FANCC: variants seen among roughly 807,000 people sequenced by gnomAD.
The protein encoded by FANCC is Fanconi anemia group C protein.
A neutral mutation model predicts 71.3 loss-of-function variants in FANCC; 55 were observed. The observed-to-expected ratio is 0.77, with a 90% CI of 0.62 to 0.97. FANCC has a LOEUF of 0.97. FANCC is among the 50% of genes least tolerant of loss of function. The pLI is 0.00. For synonymous variants in FANCC, 275 were observed against 244.9 expected (o/e 1.12, Z -1.15); for missense variants, 678 against 670.9 (o/e 1.01, Z -0.12).
intron 13 of FANCC, 90 bp from the exon 14 acceptor site, chr9:95,107,359 C>T (rs2071529811): frequency 2.8e-6 from 4 of 1,417,546 alleles, no homozygotes; most frequent in East Asian, 2.5e-5. Flanking sequence ...AAACAACCCC[C>T]AGAAACGGGT....
At chr9:95,134,247 G>A (rs890125152) in intron 8 of FANCC, among the ~76,000 whole-genome samples, 1 of 152,180 alleles carries the variant, frequency 6.6e-6, no homozygotes, top group Admixed American at 6.5e-5. Flanking sequence ...CCCTTAGACA[G>A]TCTCCAACTA....
At chr9:95,125,334 G>T (rs1037159980) in intron 9 of FANCC, 149 bp from the exon 10 acceptor site, 1 of 705,320 alleles carries the variant, frequency 1.4e-6, no homozygotes. Flanking sequence ...GTCCTTGTGT[G>T]AAAACAGGAT....
intron 4 of FANCC, among the ~76,000 whole-genome samples, chr9:95,229,137 A>C (rs1829822572): frequency 6.6e-6 from 1 of 151,986 alleles, no homozygotes. Context: ...ATTTCTACTA[A>C]AAATGCAAAA....
At position 95,128,323 on chromosome 9, in the gene FANCC, T is replaced by C. The variant is rs1379122788; in HGVS notation, c.844-1742A>G. On this transcript the variant is annotated intron_variant, in intron 8 of 14. Transcript: ENST00000289081. Reference sequence around the variant, plus strand: ...CAAAGTTTGTACAACAACATGCCTATTGAATAAGAGTGTTTAAGATCAAAT... The same window carrying C: ...CAAAGTTTGTACAACAACATGCCTACTGAATAAGAGTGTTTAAGATCAAAT... Among the ~76,000 whole-genome samples, 3 of 152,234 alleles carry C rather than the reference T, an allele frequency of 2.0e-5. No individual in the cohort carries two copies. In the East Asian group the frequency reaches 5.8e-4, roughly 29 times the overall value.
intron 6 of FANCC, among the ~76,000 whole-genome samples, chr9:95,152,700 T>A (rs1003822760): frequency 6.6e-6 from 1 of 152,188 alleles, no homozygotes. Flanking sequence ...GGATGAATTG[T>A]ATAGTGGTAA....
chr9:95,167,647 T>C (rs570680274), intron 6 of FANCC, among the ~76,000 whole-genome samples: 1 of 152,298 alleles, frequency 6.6e-6, no homozygotes, highest in African/African-American at 2.4e-5. Flanking sequence ...CTCCAGAATA[T>C]CTGTTTGGTT....
intron 4 of FANCC, among the ~76,000 whole-genome samples, chr9:95,203,744 A>T (rs1215307164): frequency 2.0e-5 from 3 of 152,214 alleles, no homozygotes; most frequent in Non-Finnish European, 4.4e-5. Flanking sequence ...AAACAAAACA[A>T]AAAATTTTGA....
chr9:95,303,309 T>G (rs148299325), intron 1 of FANCC, among the ~76,000 whole-genome samples: 49 of 152,346 alleles, frequency 3.2e-4, no homozygotes, highest in Non-Finnish European at 5.4e-4. Context: ...TAATGACTTG[T>G]GCTAACTCAC....
chr9:95,285,048 T>A (rs1288215010), intron 1 of FANCC, among the ~76,000 whole-genome samples: 1 of 151,834 alleles, frequency 6.6e-6, no homozygotes, highest in Admixed American at 6.6e-5. Flanking sequence ...TTTTGATATC[T>A]AGAAGAACAT....
At chr9:95,229,923 A>ATTT (rs1564775069) in intron 4 of FANCC, among the ~76,000 whole-genome samples, 1 of 152,190 alleles carries the variant, frequency 6.6e-6, no homozygotes, top group African/African-American at 2.4e-5. Context: ...CTGAATTATT[A>ATTT]AATTTTAAAT....
At chr9:95,182,586 A>T (rs1401522971) in intron 4 of FANCC, among the ~76,000 whole-genome samples, 1 of 152,076 alleles carries the variant, frequency 6.6e-6, no homozygotes, top group Non-Finnish European at 1.5e-5. Flanking sequence ...GTTGAGGATG[A>T]TCTGCTTTCA....
At chr9:95,255,834 T>C (rs780918141) in intron 1 of FANCC, among the ~76,000 whole-genome samples, 1 of 150,302 alleles carries the variant, frequency 6.7e-6, no homozygotes, top group South Asian at 2.1e-4. Context: ...ACTAGAATAA[T>C]ATAAATGACC....
intron 6 of FANCC, among the ~76,000 whole-genome samples, chr9:95,161,838 TTTTC>T (rs1445375055): frequency 1.7e-3 from 196 of 114,652 alleles, no homozygotes; most frequent in Non-Finnish European, 1.5e-3. Context: ...GCTTCTTTTC[TTTTC>T]TTTTTTTTTT....
intron 4 of FANCC, among the ~76,000 whole-genome samples, chr9:95,234,105 A>AG (rs1830163107): frequency 6.6e-6 from 1 of 152,258 alleles, no homozygotes; most frequent in Admixed American, 6.5e-5. Context: ...GAGATTAAAA[A>AG]TACTACTATG....
chr9:95,222,839 T>G (rs1230939486), intron 4 of FANCC, among the ~76,000 whole-genome samples: 1 of 152,234 alleles, frequency 6.6e-6, no homozygotes, highest in Non-Finnish European at 1.5e-5. Context: ...ACAACTGTTA[T>G]CATTTTGTAT....
rs993216195 is a variant in FANCC, at chr9:95,114,073, C to T, written c.1154+556G>A. ...CTGCACTCCAGCCTGAAAGACAGAG[C>T]AAGACCTTATCTCTAAAAATTTAAA... On this transcript the variant is annotated intron_variant, in intron 12 of 14. Coordinates refer to ENST00000289081, the MANE Select transcript of FANCC (RefSeq NM_000136.3). 15 of 186,172 alleles carry T rather than the reference C, an allele frequency of 8.1e-5. No homozygotes were observed. The East Asian group carries it at 1.8e-3, about 23-fold the overall frequency. 11.5% of individuals were successfully genotyped at this position (186,172 alleles called of 1,614,324 possible). A position where few individuals can be genotyped will look rare whatever the true frequency, so the allele number is the denominator to read the frequency against.
At chr9:95,236,907 T>C (rs370818695) in intron 4 of FANCC, among the ~76,000 whole-genome samples, 1 of 152,178 alleles carries the variant, frequency 6.6e-6, no homozygotes, top group East Asian at 1.9e-4. Flanking sequence ...AAAACCTCCA[T>C]GAAGAAAATA....
At chr9:95,145,247 T>A (rs988777992) in intron 7 of FANCC, 1 of 152,202 alleles carries the variant, frequency 6.6e-6, no homozygotes, top group Non-Finnish European at 1.5e-5. Context: ...TGAAAATCTA[T>A]TTGAAGATGG....
rs567226063 is a variant in FANCC at position 95,150,000 on chromosome 9, G to A, written c.609C>T (p.Leu203=). 118 of 1,613,860 alleles carry A rather than the reference G, an allele frequency of 7.3e-5. No individual in the cohort carries two copies. The highest frequency in any genetic ancestry group is 2.0e-4 in the South Asian group (18 of 91,012). The change falls in exon 7 of 15, where the codon CTC becomes CTT. Residue 203 remains leucine, a synonymous_variant. Coordinates refer to ENST00000289081, the MANE Select transcript of FANCC (RefSeq NM_000136.3). The part of the protein sequence containing the change: ...LTDVDPLVEA[L]LICHGREPQE... ...GAGGTTCACGTCCATGACAGATGAGGAGAGCCTCCACCAGGGGGTCAACAT... is the reference window on the plus strand; with the variant it reads ...GAGGTTCACGTCCATGACAGATGAGAAGAGCCTCCACCAGGGGGTCAACAT...
Sources: gnomAD v4.1 joint callset for allele counts (sites outside exome capture counted in the v4.1 genomes callset) on GRCh38, gnomAD v4.1.1 for gene constraint, MANE v1.5 for transcripts, NCBI Gene and HGNC (gene_info 2026-07-23, HGNC 2026-07-21) for gene names.